OR13A1: variants seen among roughly 807,000 people sequenced by gnomAD.
OR13A1 encodes olfactory receptor family 13 subfamily A member 1.
A neutral mutation model predicts 7.5 loss-of-function variants in OR13A1; 10 were observed. That is an observed-to-expected ratio of 1.34 (90% CI 0.83 to 2.27). The LOEUF (loss-of-function observed/expected upper bound fraction) is 2.27. OR13A1 is among the 30% of genes most tolerant of loss of function. OR13A1 has a pLI of 0.00. For missense variants in OR13A1, 509 were observed against 419.1 expected (o/e 1.21, Z -1.87); for synonymous variants, 238 against 177.9 (o/e 1.34, Z -2.69).
chr10:45,305,403 A>G (rs564194378), intron 3 of OR13A1, among the ~76,000 whole-genome samples: 1 of 152,330 alleles, frequency 6.6e-6, no homozygotes, highest in Admixed American at 6.5e-5. Context: ...GCATGTTTGT[A>G]TATGCACCTG....
chr10:45,313,418 T>C (rs1838475697), intron 1 of OR13A1, among the ~76,000 whole-genome samples: 1 of 151,884 alleles, frequency 6.6e-6, no homozygotes. Flanking sequence ...AAATGGCAAG[T>C]GTAGGTCCTT....
chr10:45,311,902 G>C (rs879777002), intron 1 of OR13A1, among the ~76,000 whole-genome samples: 1 of 152,042 alleles, frequency 6.6e-6, no homozygotes, highest in African/African-American at 2.4e-5. Context: ...AAAAGACTTA[G>C]CATATCAAAT....
At chr10:45,302,605 C>T (rs1311345530), downstream of OR13A1, 2 of 152,206 alleles carry the variant, frequency 1.3e-5, no homozygotes, top group East Asian at 3.8e-4. Context: ...TTAGTTCTGT[C>T]ATCTTTAATG....
At chr10:45,313,475 C>T (rs1838476622) in intron 1 of OR13A1, among the ~76,000 whole-genome samples, 1 of 151,810 alleles carries the variant, frequency 6.6e-6, no homozygotes, top group Non-Finnish European at 1.5e-5. Flanking sequence ...ACTCCTGAAT[C>T]AAAAGATATA....
At chr10:45,312,289 ACT>A (rs1300186575) in intron 1 of OR13A1, among the ~76,000 whole-genome samples, 1 of 152,050 alleles carries the variant, frequency 6.6e-6, no homozygotes, top group African/African-American at 2.4e-5. Context: ...ATATGAAGAA[ACT>A]CACACCAAGC....
chr10:45,310,197 G>T (rs1323115904), intron 1 of OR13A1, among the ~76,000 whole-genome samples: 1 of 152,174 alleles, frequency 6.6e-6, no homozygotes, highest in African/African-American at 2.4e-5. Flanking sequence ...TGTGTGTTAG[G>T]TTAAAAGCTA....
intron 1 of OR13A1, among the ~76,000 whole-genome samples, chr10:45,309,527 C>T (rs1287851698): frequency 2.0e-5 from 3 of 152,108 alleles, no homozygotes; most frequent in Non-Finnish European, 1.5e-5. Context: ...ATAACATGGG[C>T]TTCAGAGTCT....
At chr10:45,304,955 TTTA>T (rs1258070180) in intron 3 of OR13A1, among the ~76,000 whole-genome samples, 1 of 152,128 alleles carries the variant, frequency 6.6e-6, no homozygotes, top group African/African-American at 2.4e-5. Context: ...TTGGAAGTGT[TTTA>T]CTGATGCTTT....
At chr10:45,310,271 C>T (rs1838417396) in intron 1 of OR13A1, among the ~76,000 whole-genome samples, 1 of 152,132 alleles carries the variant, frequency 6.6e-6, no homozygotes, top group African/African-American at 2.4e-5. Flanking sequence ...GCTCAACAAT[C>T]TGAAGATATA....
chr10:45,311,794 A>G (rs1481416273), intron 1 of OR13A1, among the ~76,000 whole-genome samples: 7 of 152,174 alleles, frequency 4.6e-5, no homozygotes, highest in African/African-American at 1.2e-4. Flanking sequence ...GTTTACCTAC[A>G]TAACAAACCT....
At chr10:45,311,021 T>A (rs866868111) in intron 1 of OR13A1, among the ~76,000 whole-genome samples, 5 of 152,098 alleles carry the variant, frequency 3.3e-5, no homozygotes, top group African/African-American at 1.2e-4. Context: ...GAGAGTAGGA[T>A]CTGTGCTGCG....
intron 1 of OR13A1, among the ~76,000 whole-genome samples, chr10:45,313,044 T>C (rs571719366): frequency 2.0e-5 from 3 of 152,254 alleles, no homozygotes; most frequent in African/African-American, 7.2e-5. Flanking sequence ...AATGCACTTT[T>C]AATTCTTGTA....
chr10:45,314,897 A>C (rs868762942), intron 1 of OR13A1, among the ~76,000 whole-genome samples: 8 of 152,336 alleles, frequency 5.3e-5, no homozygotes, highest in African/African-American at 1.7e-4. Flanking sequence ...TATAACTACG[A>C]AGGAGATTAA....
In OR13A1 at chr10:45,303,428, G is replaced by A. The variant is rs1377308987; in HGVS notation, c.*8C>T. 1 of 1,578,792 alleles carries A rather than the reference G, an allele frequency of 6.3e-7. No homozygotes were observed. Reference sequence around the variant, plus strand: ...GTCTCCAAGGACAAAAACTTCAGAAGACACAAGTTAATTTCTGAAGAAAGG... The same window carrying A: ...GTCTCCAAGGACAAAAACTTCAGAAAACACAAGTTAATTTCTGAAGAAAGG... On this transcript the variant is annotated 3_prime_UTR_variant, in exon 4 of 4. Coordinates refer to ENST00000553795, the MANE Select transcript of OR13A1 (RefSeq NM_001004297.3).
intron 1 of OR13A1, among the ~76,000 whole-genome samples, chr10:45,311,370 TC>T (rs1489387253): frequency 2.0e-5 from 3 of 152,202 alleles, no homozygotes; most frequent in Non-Finnish European, 2.9e-5. Context: ...TCTTTCTACA[TC>T]TTTAACTTCA....
At chr10:45,311,518 C>T (rs895486547) in intron 1 of OR13A1, among the ~76,000 whole-genome samples, 5 of 151,954 alleles carry the variant, frequency 3.3e-5, no homozygotes, top group Non-Finnish European at 4.4e-5. Flanking sequence ...ATATAATATC[C>T]ATACTAGGTA....
At chr10:45,310,886 A>C (rs904039859) in intron 1 of OR13A1, among the ~76,000 whole-genome samples, 2 of 152,238 alleles carry the variant, frequency 1.3e-5, no homozygotes, top group African/African-American at 4.8e-5. Context: ...AAGAGTTATA[A>C]TATCCTTACA....
downstream of OR13A1, chr10:45,302,540 C>T (rs1210688068): frequency 1.3e-5 from 2 of 152,230 alleles, no homozygotes; most frequent in African/African-American, 2.4e-5. Context: ...GCTTCACACA[C>T]ATATCGAATG....
chr10:45,315,435 C>G (rs900201994), intron 1 of OR13A1, 89 bp downstream of exon 1: 8 of 151,816 alleles, frequency 5.3e-5, no homozygotes, highest in Non-Finnish European at 1.0e-4. Context: ...AATTTAACAC[C>G]TTTTATCACG....
Sources: allele counts gnomAD v4.1 joint callset (sites outside exome capture counted in the v4.1 genomes callset), GRCh38; gene constraint gnomAD v4.1.1; transcripts MANE v1.5; gene names NCBI Gene and HGNC (gene_info 2026-07-23, HGNC 2026-07-21).